Variants in GLMN observed in about 807,000 individuals in gnomAD.
GLMN encodes the protein glomulin.
In GLMN, 75 loss-of-function variants were observed where a neutral mutation model predicts 87.8. The ratio of observed to expected loss-of-function variants is 0.85; its 90% CI spans 0.71 to 1.04. The LOEUF (loss-of-function observed/expected upper bound fraction) is 1.04, where lower values mean the gene tolerates loss of function less well. GLMN is among the 50% of genes least tolerant of loss of function. The pLI, the probability that GLMN is intolerant of heterozygous loss-of-function variation, is 0.00. For synonymous variants in GLMN, 206 were observed against 221.6 expected, an observed-to-expected ratio of 0.93 and a Z score of 0.63; for missense variants, 588 against 658.8, an observed-to-expected ratio of 0.89 and a Z score of 1.18.
intron 16 of GLMN, among the ~76,000 whole-genome samples, chr1:92,258,384 C>T (rs1654535061): frequency 6.6e-6 from 1 of 152,068 alleles, no homozygotes. Flanking sequence ...ACCATTTGAC[C>T]CAGCAATCCC....
At chr1:92,267,266 CAT>C (rs1483074490) in intron 11 of GLMN, among the ~76,000 whole-genome samples, 3 of 152,024 alleles carry the variant, frequency 2.0e-5, no homozygotes, top group Non-Finnish European at 4.4e-5. Flanking sequence ...TTATGAGAAA[CAT>C]AAAGAAGCTT....
the GLMN span, chr1:92,345,747 C>A: frequency 1.4e-6 from 1 of 711,990 alleles, no homozygotes; most frequent in Non-Finnish European, 2.3e-6. Flanking sequence ...AAAAAAAGTG[C>A]TTCTTTGGCA....
At chr1:92,279,436 AAC>A (rs1647693671) in intron 7 of GLMN, among the ~76,000 whole-genome samples, 1 of 148,684 alleles carries the variant, frequency 6.7e-6, no homozygotes, top group Admixed American at 6.7e-5. Context: ...CAGCCTGGGC[AAC>A]AGAGCGAGAC....
At chr1:92,354,626 A>G in the GLMN span, among the ~76,000 whole-genome samples, 1 of 152,182 alleles carries the variant, frequency 6.6e-6, no homozygotes, top group Non-Finnish European at 1.5e-5. Context: ...GACATAAACC[A>G]TCTGTTATAA....
intron 5 of GLMN, 89 bp downstream of exon 5, chr1:92,290,109 T>C: frequency 1.3e-6 from 1 of 788,790 alleles, no homozygotes; most frequent in East Asian, 2.4e-5. Flanking sequence ...CTGTAAACTT[T>C]ACTTTGGTGT....
the GLMN span, among the ~76,000 whole-genome samples, chr1:92,340,689 C>T: frequency 6.6e-5 from 10 of 152,112 alleles, no homozygotes; most frequent in Admixed American, 2.0e-4. Context: ...GAGTTAAGAG[C>T]CTATTTTGGG....
chr1:92,285,078 T>C (rs1485957674), intron 7 of GLMN, among the ~76,000 whole-genome samples: 7 of 152,120 alleles, frequency 4.6e-5, no homozygotes, highest in Non-Finnish European at 7.4e-5. Flanking sequence ...GATCTAGAAC[T>C]AGAAATACCA....
intron 7 of GLMN, among the ~76,000 whole-genome samples, chr1:92,283,023 T>C (rs887984854): frequency 4.6e-5 from 7 of 152,148 alleles, no homozygotes; most frequent in Non-Finnish European, 7.4e-5. Flanking sequence ...ACCAGACAGA[T>C]TCACAGCCGA....
At chr1:92,338,342 A>G in the GLMN span, among the ~76,000 whole-genome samples, 4 of 152,382 alleles carry the variant, frequency 2.6e-5, no homozygotes, top group South Asian at 6.2e-4. Context: ...TTGCCAAAAG[A>G]GGATTTGAGC....
chr1:92,314,498 C>G, the GLMN span, among the ~76,000 whole-genome samples: 1 of 152,120 alleles, frequency 6.6e-6, no homozygotes, highest in Admixed American at 6.5e-5. Context: ...CACCAGTAAT[C>G]CAGCACTTTG....
the GLMN span, among the ~76,000 whole-genome samples, chr1:92,348,475 C>T: frequency 6.6e-6 from 1 of 152,188 alleles, no homozygotes; most frequent in Non-Finnish European, 1.5e-5. Flanking sequence ...TCTAGGCCTT[C>T]CTTGCAGATT....
chr1:92,278,957 A>G (rs893372846), intron 7 of GLMN, among the ~76,000 whole-genome samples: 1 of 152,122 alleles, frequency 6.6e-6, no homozygotes, highest in Non-Finnish European at 1.5e-5. Context: ...TAATCTTTCC[A>G]TAATACTATT....
chr1:92,304,575 C>T, the GLMN span, among the ~76,000 whole-genome samples: 2 of 152,056 alleles, frequency 1.3e-5, no homozygotes, highest in African/African-American at 4.8e-5. Context: ...AAGACTTGAA[C>T]ATTTAAAAGT....
chr1:92,307,388 A>G, the GLMN span: 1 of 657,138 alleles, frequency 1.5e-6, no homozygotes, highest in East Asian at 2.8e-5. Context: ...TTACCATTTT[A>G]TATACTTTAT....
the GLMN span, among the ~76,000 whole-genome samples, chr1:92,320,240 G>C: frequency 2.0e-5 from 3 of 151,948 alleles, no homozygotes; most frequent in African/African-American, 7.2e-5. Flanking sequence ...CAGATTTCTT[G>C]TTGATGAATT....
chr1:92,298,022 G>A lies in GLMN; in HGVS notation c.-23C>T, dbSNP rs1241475587. 2 of 1,412,970 alleles carry A rather than the reference G, an allele frequency of 1.4e-6. No homozygotes were observed. Among genetic ancestry groups the A allele is most frequent in the African/African-American group, 1.4e-5 (1 of 71,112 alleles). 87.5% of individuals were successfully genotyped at this position (1,412,970 alleles called of 1,614,324 possible). A position where few individuals can be genotyped will look rare whatever the true frequency, so the allele number is the denominator to read the frequency against. On this transcript the variant is annotated 5_prime_UTR_variant, in exon 2 of 19. Transcript: ENST00000370360. ...CATTCTTATTTCTCCTAGTTTCGAT[G>A]CTAAAATCTACAAATACAAAACACA...
At position 92,263,727 on chromosome 1, in the gene GLMN, T is replaced by G. The variant is rs778312099; in HGVS notation, c.1305A>C (p.Thr435=). 2 of 1,546,152 alleles carry G rather than the reference T, an allele frequency of 1.3e-6. No homozygotes were observed. The highest frequency in any genetic ancestry group is 1.4e-5 in the African/African-American group (1 of 73,634). Residue 435 remains threonine, a synonymous_variant, in exon 15 of 19, where the codon ACA becomes ACC. Transcript: ENST00000370360. The stretch of plus-strand genomic sequence containing the variant: ...GTCCTGTAAACCATTTGTTGTTACG[T>G]GTTCTCTGAAAAGCAAACGAAAAAT... The part of the protein sequence containing the change: ...KNQIDMSLKR[T]RNNKWFTGPQ...
At chr1:92,315,195 A>G in the GLMN span, among the ~76,000 whole-genome samples, 1 of 152,284 alleles carries the variant, frequency 6.6e-6, no homozygotes, top group Admixed American at 6.5e-5. Flanking sequence ...CCTAATTTCA[A>G]TATTGTTGTG....
the GLMN span, chr1:92,363,651 C>T: frequency 3.8e-6 from 1 of 265,636 alleles, no homozygotes; most frequent in South Asian, 4.1e-5. Context: ...TATTTTTCCA[C>T]CTCTGCCACA....
Sources: allele counts gnomAD v4.1 joint callset (sites outside exome capture counted in the v4.1 genomes callset), GRCh38; gene constraint gnomAD v4.1.1; transcripts MANE v1.5; gene names NCBI Gene and HGNC (gene_info 2026-07-23, HGNC 2026-07-21).